NOL3: variants seen among roughly 807,000 people sequenced by gnomAD.
The protein encoded by NOL3 is muscle-enriched cytoplasmic protein.
NOL3 carries 18 observed loss-of-function variants against 19.2 expected under a neutral mutation model. That is an observed-to-expected ratio of 0.94 (90% CI 0.65 to 1.39). The LOEUF is 1.39. Among genes scored for constraint, NOL3 ranks in the 40% most tolerant of loss-of-function variants. The pLI, the probability that NOL3 is intolerant of heterozygous loss-of-function variation, is 0.00. For missense variants in NOL3, 290 were observed against 289.5 expected (o/e 1.00, Z -0.01); for synonymous variants, 127 against 137.3 (o/e 0.93, Z 0.52).
In NOL3 at chr16:67,174,756, C is replaced by A. The variant is rs576813875; in HGVS notation, c.431C>A (p.Ala144Glu). The A allele has an allele frequency of 6.2e-6, 10 of 1,609,260 alleles. No individual in the cohort carries two copies. The African/African-American group carries it at 8.0e-5, about 13-fold the overall frequency. ...GCCGGGGGCCCTGAGGGCTCCGAGG[C>A]GGTGCAATCCGGGACCCCGGAGGAG... Residue 144 changes from alanine to glutamate, a missense_variant, in exon 3 of 4, where the codon GCG becomes GAG. Physicochemically the swap from Ala to Glu is moderately radical, Grantham distance 107. This residue lies in a region of NOL3 where 123 missense variants were observed against 107.0 expected (regional missense o/e 1.15). Coordinates refer to ENST00000268605, the Ensembl canonical transcript of NOL3.
intron 1 of NOL3, chr16:67,172,827 C>T (rs1469910351): frequency 1.3e-5 from 2 of 151,084 alleles, no homozygotes; most frequent in Non-Finnish European, 2.9e-5. Flanking sequence ...GGCGCGGTGG[C>T]TCACGCCTGT....
At chr16:67,174,579 CAG>C in intron 2 of NOL3, 40 bp from the exon 3 acceptor site, 1 of 1,513,350 alleles carries the variant, frequency 6.6e-7, no homozygotes, top group Middle Eastern at 2.5e-4. Flanking sequence ...TGAAACCGCA[CAG>C]GGGTAAATTG....
chr16:67,174,991 C>T, intron 3 of NOL3, 47 bp downstream of exon 3: 2 of 1,610,290 alleles, frequency 1.2e-6, no homozygotes, highest in East Asian at 2.2e-5. Flanking sequence ...GAGGGCATGG[C>T]CTGGGAAGCG....
exon 4 of NOL3, chr16:67,175,324 G>A: frequency 7.3e-7 from 1 of 1,376,504 alleles, no homozygotes; most frequent in Non-Finnish European, 9.4e-7. Context: ...CTGCCCTTAG[G>A]AGTCCAGGCT....
At chr16:67,171,440 C>G (rs1163266121) in intron 1 of NOL3, 1 of 152,342 alleles carries the variant, frequency 6.6e-6, no homozygotes, top group Non-Finnish European at 1.5e-5. Flanking sequence ...GCAAAGGCTC[C>G]GAGGTGCCAG....
intron 1 of NOL3, chr16:67,173,083 G>GA (rs1306583578): frequency 7.1e-6 from 1 of 140,942 alleles, no homozygotes; most frequent in Non-Finnish European, 1.5e-5. Flanking sequence ...GGGCAACAGC[G>GA]AGACTCCATC....
exon 4 of NOL3, chr16:67,175,210 G>C (rs1404821167): frequency 2.6e-6 from 4 of 1,521,726 alleles, no homozygotes; most frequent in South Asian, 2.6e-5. Flanking sequence ...CTCTCTCCAC[G>C]ATTCTGGCTG....
chr16:67,175,274 C>A, exon 4 of NOL3: 4 of 1,437,032 alleles, frequency 2.8e-6, no homozygotes, highest in Non-Finnish European at 3.6e-6. Context: ...CTGGGCAGGC[C>A]CAAGCCCACC....
intron 2 of NOL3, 76 bp downstream of exon 2, chr16:67,174,540 T>C: frequency 6.8e-7 from 1 of 1,479,988 alleles, no homozygotes. Context: ...GAGGGCAGGG[T>C]TGTCGTCTCC....
At chr16:67,175,539 G>C (rs2032129754) in exon 4 of NOL3, 1 of 175,878 alleles carries the variant, frequency 5.7e-6, no homozygotes, top group Non-Finnish European at 1.2e-5. Context: ...CACAGCCTTG[G>C]GAAGTGAGAC....
chr16:67,170,845 C>G lies in NOL3; in HGVS notation c.-9+271C>G, dbSNP rs939108970. Among the ~76,000 whole-genome samples the G allele has an allele frequency of 5.9e-5, 9 of 152,256 alleles. No homozygotes were observed. Among genetic ancestry groups the G allele is most frequent in the Non-Finnish European group, 1.3e-4 (9 of 68,046 alleles). On this transcript the variant is annotated intron_variant, in intron 1 of 3. Coordinates refer to ENST00000268605, the Ensembl canonical transcript of NOL3. This position sits in a 1 kb window ranked among gnomAD's most constrained non-coding sequence, Gnocchi z 5.7. ...TTCACTGTCCCAAGACCCTGGCTTC[C>G]TGGCCAAAGAGCCCGCGCAGCGAGG...
At chr16:67,174,736 G>C in exon 3 of NOL3, 6 of 1,610,252 alleles carry the variant, frequency 3.7e-6, no homozygotes, top group Non-Finnish European at 4.2e-6. Context: ...ACGAGGCCGG[G>C]GGCCCTGAGG....
Position 67,170,670 on chromosome 16 carries a change from C to T in NOL3, c.-9+96C>T, listed in dbSNP as rs909872805. 3 of 152,178 alleles carry T rather than the reference C, an allele frequency of 2.0e-5. No homozygotes were observed. The highest frequency in any genetic ancestry group is 4.4e-5 in the Non-Finnish European group (3 of 68,046). The allele number at this position is 152,178 out of a possible 1,614,324, so 9.4% of individuals were successfully genotyped here. ...AGATTGGGCAGAATCAGCGCCCCAC[C>T]ACCCGCTGCGGCGCTCGGGGGTCGG... is the stretch of plus-strand genomic sequence containing the variant. On this transcript the variant is annotated intron_variant, in intron 1 of 3. Coordinates refer to ENST00000268605, the Ensembl canonical transcript of NOL3. This position sits in a 1 kb window ranked among gnomAD's most constrained non-coding sequence, Gnocchi z 5.7.
chr16:67,170,803 C>G lies in NOL3; in HGVS notation c.-9+229C>G, dbSNP rs2031702072. 6.6e-6 allele frequency among the ~76,000 whole-genome samples: 1 copy of G among 152,180 alleles called. No individual in the cohort carries two copies. The highest frequency in any genetic ancestry group is 1.5e-5 in the Non-Finnish European group (1 of 68,028). ...CGGGGGGGGAAAATCCGTGCAGTCG[C>G]ACATGCGCAAAGGCTCTTCACTGTC... On this transcript the variant is annotated intron_variant, in intron 1 of 3. Coordinates refer to ENST00000268605, the Ensembl canonical transcript of NOL3. This position sits in a 1 kb window ranked among gnomAD's most constrained non-coding sequence, Gnocchi z 5.7.
exon 3 of NOL3, chr16:67,174,634 C>A: frequency 1.3e-6 from 2 of 1,539,260 alleles, no homozygotes; most frequent in Non-Finnish European, 1.7e-6. Context: ...ACCGGGACCG[C>A]AGCTATGACC....
chr16:67,173,978 G>C, intron 1 of NOL3, 184 bp from the exon 2 acceptor site: 1 of 1,537,948 alleles, frequency 6.5e-7, no homozygotes, highest in Non-Finnish European at 8.7e-7. Context: ...AGAGGCAGGA[G>C]GACACCGAGT....
At chr16:67,171,642 G>A (rs1460558084) in intron 1 of NOL3, 2 of 152,224 alleles carry the variant, frequency 1.3e-5, no homozygotes, top group Non-Finnish European at 2.9e-5. Context: ...ATATAGTTCA[G>A]TTCCTCATAG....
chr16:67,174,128 C>G (rs772616245), intron 1 of NOL3, 34 bp from the exon 2 acceptor site: 1 of 1,601,290 alleles, frequency 6.2e-7, no homozygotes, highest in Non-Finnish European at 8.5e-7. Flanking sequence ...GGGAGGGCAA[C>G]CCCCCATTAC....
At chr16:67,171,618 T>C (rs1701747167) in intron 1 of NOL3, 1 of 152,240 alleles carries the variant, frequency 6.6e-6, no homozygotes, top group Admixed American at 6.5e-5. Context: ...GATGGAATTC[T>C]GCTAGACAGG....
Sources: gnomAD v4.1 joint callset for allele counts (sites outside exome capture counted in the v4.1 genomes callset) on GRCh38, gnomAD v4.1.1 for gene constraint, gnomAD v4.1.1 regional missense constraint, Gnocchi (gnomAD v3.1) non-coding constraint, MANE v1.5 for transcripts, NCBI Gene and HGNC (gene_info 2026-07-23, HGNC 2026-07-21) for gene names.